Variants in TENM4 observed in about 807,000 individuals in gnomAD.
TENM4 encodes teneurin transmembrane protein 4.
Under a neutral mutation model 243.3 loss-of-function variants are expected in TENM4, and 82 were observed. The ratio of observed to expected loss-of-function variants is 0.34; its 90% confidence interval spans 0.28 to 0.40. TENM4 has a LOEUF of 0.40. Among genes scored for constraint, TENM4 ranks in the 10% least tolerant of loss-of-function variants. The pLI, the probability that TENM4 is intolerant of heterozygous loss-of-function variation, is 1.00. For missense variants in TENM4, 3,138 were observed against 3,673.3 expected, an observed-to-expected ratio of 0.85 and a Z score of 3.77; for synonymous variants, 1,412 against 1,456.3, an observed-to-expected ratio of 0.97 and a Z score of 0.69.
intron 6 of TENM4, among the ~76,000 whole-genome samples, chr11:78,986,655 C>T (rs1166891201): frequency 1.3e-5 from 2 of 151,376 alleles, no homozygotes; most frequent in African/African-American, 2.4e-5. Flanking sequence ...CCTCCGCCTC[C>T]CTCCACCTCC....
At chr11:79,260,969 A>C (rs148358921) in intron 2 of TENM4, among the ~76,000 whole-genome samples, 2 of 152,322 alleles carry the variant, frequency 1.3e-5, no homozygotes, top group Non-Finnish European at 2.9e-5. Flanking sequence ...AAACAGAGCA[A>C]AAGAAATAGA....
At chr11:79,353,581 C>T (rs528048) in intron 1 of TENM4, among the ~76,000 whole-genome samples, 119,183 of 152,082 alleles carry the variant, frequency 0.78, 47,057 homozygotes, top group African/African-American at 0.86. Flanking sequence ...TCATGGTTTA[C>T]AAATGAGTCT....
At chr11:78,692,376 C>T (rs763571556) in intron 28 of TENM4, among the ~76,000 whole-genome samples, 4 of 152,264 alleles carry the variant, frequency 2.6e-5, no homozygotes, top group African/African-American at 7.2e-5. Context: ...ACAAATGATA[C>T]AATTTCAGGC....
intron 1 of TENM4, among the ~76,000 whole-genome samples, chr11:79,336,810 A>G (rs1857155704): frequency 6.6e-6 from 1 of 152,114 alleles, no homozygotes; most frequent in Non-Finnish European, 1.5e-5. Flanking sequence ...GCTGTCTGTC[A>G]CTCCTGCTGG....
intron 12 of TENM4, among the ~76,000 whole-genome samples, chr11:78,846,589 G>A (rs193009367): frequency 2.6e-5 from 4 of 152,304 alleles, no homozygotes; most frequent in East Asian, 1.9e-4. Context: ...AATGGAAAAC[G>A]TCCATGGTTC....
intron 9 of TENM4, among the ~76,000 whole-genome samples, chr11:78,873,013 T>G (rs1314180805): frequency 6.6e-6 from 1 of 152,236 alleles, no homozygotes; most frequent in East Asian, 1.9e-4. Flanking sequence ...TGGGATAATA[T>G]TTCTTTATAA....
intron 3 of TENM4, among the ~76,000 whole-genome samples, chr11:79,187,899 G>A (rs1863407631): frequency 1.3e-5 from 2 of 152,188 alleles, no homozygotes. Flanking sequence ...CTCCAGAATG[G>A]AATGCAATTA....
At chr11:78,741,846 G>A (rs373797302) in intron 19 of TENM4, among the ~76,000 whole-genome samples, 4 of 152,294 alleles carry the variant, frequency 2.6e-5, no homozygotes, top group African/African-American at 4.8e-5. Flanking sequence ...AACCATTAAC[G>A]TGGGAGCAAA....
intron 4 of TENM4, among the ~76,000 whole-genome samples, chr11:79,098,172 G>A (rs1347245196): frequency 1.3e-5 from 2 of 152,194 alleles, no homozygotes; most frequent in East Asian, 3.9e-4. Flanking sequence ...CCAGGCCCCT[G>A]TATCTGCTGC....
intron 3 of TENM4, among the ~76,000 whole-genome samples, chr11:79,178,023 A>T (rs1157136292): frequency 6.6e-6 from 1 of 152,094 alleles, no homozygotes; most frequent in Admixed American, 6.5e-5. Context: ...CAGGAGAGAG[A>T]TGGCCAAGGT....
chr11:78,877,341 AC>A (rs1175742822), intron 9 of TENM4, among the ~76,000 whole-genome samples: 1 of 152,174 alleles, frequency 6.6e-6, no homozygotes, highest in Non-Finnish European at 1.5e-5. Context: ...AGCCTAGCAG[AC>A]TTAAGTTTGG....
At chr11:78,925,854 A>C (rs1474055883) in intron 6 of TENM4, among the ~76,000 whole-genome samples, 2 of 152,052 alleles carry the variant, frequency 1.3e-5, no homozygotes, top group African/African-American at 2.4e-5. Context: ...AATAAGGCAA[A>C]GAAAAAAAAA....
At chr11:78,667,888 C>G (rs754515987) in intron 32 of TENM4, among the ~76,000 whole-genome samples, 1 of 152,136 alleles carries the variant, frequency 6.6e-6, no homozygotes, top group Non-Finnish European at 1.5e-5. Context: ...TGGGCTTTAC[C>G]CAAACCCCCA....
chr11:79,295,158 T>A (rs1353186028), intron 2 of TENM4, among the ~76,000 whole-genome samples: 2 of 152,178 alleles, frequency 1.3e-5, no homozygotes, highest in Admixed American at 1.3e-4. Flanking sequence ...AACCCAGTCC[T>A]GTTTAGGCGA....
At chr11:78,822,170 T>A (rs918523648) in intron 12 of TENM4, among the ~76,000 whole-genome samples, 5 of 152,178 alleles carry the variant, frequency 3.3e-5, no homozygotes, top group Non-Finnish European at 5.9e-5. Context: ...GCGTATGACA[T>A]CTTCCAAGCC....
chr11:78,732,515 A>G lies in TENM4; in HGVS notation c.2939T>C (p.Ile980Thr). ...CAGCCACAGGGTGTGCTCCTGTGTG[A>G]TGAAAGGTGCCCGCTCGAACCGCAG... ...IILRFERAPF[I>T]TQEHTLWLPW... The change falls in exon 21 of 34, where the codon ATC (isoleucine) becomes ACC (threonine). Residue 980 changes from isoleucine to threonine, a missense_variant. Around this residue, in one of 2 missense-constraint regions of TENM4, gnomAD observed 2,467 missense variants for 3,059.1 expected, o/e 0.81. Coordinates refer to ENST00000278550, the MANE Select transcript of TENM4 (RefSeq NM_001098816.3). The G allele has an allele frequency of 6.2e-7, 1 of 1,613,606 alleles. No homozygotes were observed. Among genetic ancestry groups the G allele is most frequent in the South Asian group, 1.1e-5 (1 of 90,962 alleles).
intron 1 of TENM4, among the ~76,000 whole-genome samples, chr11:79,402,281 G>T (rs1418398986): frequency 6.6e-6 from 1 of 152,108 alleles, no homozygotes; most frequent in Non-Finnish European, 1.5e-5. Flanking sequence ...TACATAATGA[G>T]AAATGACAAT....
intron 15 of TENM4, among the ~76,000 whole-genome samples, chr11:78,788,292 C>T (rs1856981082): frequency 6.6e-6 from 1 of 152,232 alleles, no homozygotes; most frequent in South Asian, 2.1e-4. Flanking sequence ...ACAAATAGTA[C>T]GAGTCCCCAT....
At chr11:79,233,896 G>T (rs1413155894) in intron 2 of TENM4, among the ~76,000 whole-genome samples, 1 of 152,204 alleles carries the variant, frequency 6.6e-6, no homozygotes, top group Non-Finnish European at 1.5e-5. Flanking sequence ...TCAATAGGTT[G>T]TACTGAAGGG....
Sources: gnomAD v4.1 joint callset for allele counts (sites outside exome capture counted in the v4.1 genomes callset) on GRCh38, gnomAD v4.1.1 for gene constraint, gnomAD v4.1.1 regional missense constraint, MANE v1.5 for transcripts, NCBI Gene and HGNC (gene_info 2026-07-23, HGNC 2026-07-21) for gene names.